The following ARAP2 variants were observed in gnomAD, a reference collection of about 807,000 sequenced individuals.
The protein encoded by ARAP2 is ArfGAP with RhoGAP domain, ankyrin repeat and PH domain 2.
Under a neutral mutation model 194.5 loss-of-function variants are expected in ARAP2, and 148 were observed. The observed-to-expected ratio is 0.76, with a 90% CI of 0.67 to 0.87. The LOEUF is 0.87. Among genes scored for constraint, ARAP2 ranks in the 40% least tolerant of loss-of-function variants. The pLI is 0.00. For synonymous variants in ARAP2, 695 were observed against 683.5 expected (o/e 1.02, Z -0.26); for missense variants, 2,128 against 1,989.7 (o/e 1.07, Z -1.32).
At chr4:36,016,261 T>C (rs910871885) in intron 6 of ARAP2, among the ~76,000 whole-genome samples, 3 of 152,168 alleles carry the variant, frequency 2.0e-5, no homozygotes, top group Non-Finnish European at 4.4e-5. Context: ...TATATTATTA[T>C]GGGTGTATAT....
At chr4:36,055,504 T>C (rs1234666306) in intron 2 of ARAP2, among the ~76,000 whole-genome samples, 2 of 152,194 alleles carry the variant, frequency 1.3e-5, no homozygotes, top group Non-Finnish European at 2.9e-5. Context: ...AGCAGTCTCA[T>C]AGTGTGGGAA....
rs534554489 is a variant in ARAP2 at position 36,181,851 on chromosome 4, T to C, written c.1679-3846A>G. On this transcript the variant is annotated intron_variant, in intron 8 of 32. Coordinates refer to ENST00000303965, the MANE Select transcript of ARAP2 (RefSeq NM_015230.4). ...ATACATTACACAGTGGCAAGTGCAA[T>C]TGGGTACCTTAAACACAAGATGGGG... Among the ~76,000 whole-genome samples the C allele has an allele frequency of 2.4e-3, 367 of 152,270 alleles. 1 individual carries two copies. The highest frequency in any genetic ancestry group is 3.4e-3 in the Middle Eastern group (1 of 294).
chr4:36,057,984 G>T (rs1220192737), exon 2 of ARAP2: 2 of 151,420 alleles, frequency 1.3e-5, no homozygotes, highest in African/African-American at 2.4e-5. Flanking sequence ...CCATCTTCTG[G>T]CAAAGAGGAG....
intron 6 of ARAP2, among the ~76,000 whole-genome samples, chr4:36,017,752 C>T (rs1223083408): frequency 1.3e-5 from 2 of 151,880 alleles, no homozygotes; most frequent in African/African-American, 2.4e-5. Flanking sequence ...ATACCAAAAC[C>T]TTGCGAGACA....
chr4:36,025,773 T>C (rs1717797100), intron 5 of ARAP2, among the ~76,000 whole-genome samples: 2 of 152,158 alleles, frequency 1.3e-5, no homozygotes, highest in African/African-American at 2.4e-5. Flanking sequence ...ATGGTTTTTG[T>C]ATACTCAGGA....
At chr4:36,112,474 T>A (rs1436413211) in intron 26 of ARAP2, among the ~76,000 whole-genome samples, 3 of 151,982 alleles carry the variant, frequency 2.0e-5, no homozygotes, top group Non-Finnish European at 2.9e-5. Context: ...CAATTTGTAA[T>A]GTGGAAAGAT....
At chr4:36,072,954 G>T (rs982350018) in intron 32 of ARAP2, among the ~76,000 whole-genome samples, 2 of 152,148 alleles carry the variant, frequency 1.3e-5, no homozygotes, top group African/African-American at 4.8e-5. Context: ...GAGAGCAAAA[G>T]ATTTGAACAG....
intron 19 of ARAP2, among the ~76,000 whole-genome samples, chr4:36,144,625 A>C (rs1729180783): frequency 6.6e-6 from 1 of 151,972 alleles, no homozygotes; most frequent in African/African-American, 2.4e-5. Flanking sequence ...CGCTGTATAA[A>C]GCTCTTGATG....
intron 6 of ARAP2, among the ~76,000 whole-genome samples, 198 bp downstream of exon 6, chr4:36,210,192 A>C (rs1056562451): frequency 2.0e-5 from 3 of 152,154 alleles, no homozygotes; most frequent in African/African-American, 7.2e-5. Flanking sequence ...TTAATGCAGC[A>C]TTGCATTGCA....
In ARAP2 at chr4:36,121,229, C is replaced by A; in HGVS notation, c.3844G>T (p.Glu1282Ter). The change falls in exon 23 of 33, where the codon GAA becomes TAA. Residue 1282 changes from glutamate (E) to a stop codon, truncating the protein, a stop_gained. Transcript: ENST00000303965. LOFTEE classifies it high-confidence loss of function. Reference sequence around the variant, plus strand: ...ATTAGGTCCTCAATTACATTCACTTCTTCACTAGTTTGTCCCTTCGTTTGA... The same window carrying A: ...ATTAGGTCCTCAATTACATTCACTTATTCACTAGTTTGTCCCTTCGTTTGA... ...LFQTKGQTSEEVNVIEDLINN... is the reference protein window; with the variant it reads ...LFQTKGQTSE 6.2e-7 allele frequency: 1 copy of A among 1,607,204 alleles called. No individual in the cohort carries two copies. The highest frequency in any genetic ancestry group is 8.5e-7 in the Non-Finnish European group (1 of 1,176,064).
chr4:36,054,908 G>A (rs187602440), intron 2 of ARAP2, among the ~76,000 whole-genome samples: 2 of 152,276 alleles, frequency 1.3e-5, no homozygotes, highest in Admixed American at 6.5e-5. Flanking sequence ...ATTTTATAAT[G>A]ATTGGTGATG....
At chr4:36,072,077 G>A (rs923040753) in intron 32 of ARAP2, among the ~76,000 whole-genome samples, 29 of 151,674 alleles carry the variant, frequency 1.9e-4, no homozygotes, top group African/African-American at 6.8e-4. Context: ...CTAATATTAT[G>A]GCAGATATTT....
At chr4:36,156,421 AAGAAAGAAAGAAAGAAAGAAAG>A (rs1732475873) in intron 15 of ARAP2, among the ~76,000 whole-genome samples, 1 of 5,546 alleles carries the variant, frequency 1.8e-4, no homozygotes, top group Non-Finnish European at 2.9e-4. Flanking sequence ...GAAAGAAAGA[AAGAAAGAAAGAAAGAAAGAAAG>A]AGAAAGAAAG....
rs79850227 is a variant in ARAP2, at chr4:36,176,868, T to C, written c.1857+959A>G. 2.2e-3 allele frequency among the ~76,000 whole-genome samples: 334 copies of C among 152,190 alleles called. 11 individuals carry two copies. The East Asian group carries it at 0.057, about 26-fold the overall frequency. On this transcript the variant is annotated intron_variant, in intron 9 of 32. Coordinates refer to ENST00000303965, the MANE Select transcript of ARAP2 (RefSeq NM_015230.4). ...ACTACTATTTGTTTTGATATTCCTA[T>C]TTTTCTTATAAAAAATAGTCAGCAT...
chr4:36,108,510 A>G (rs934304231), intron 26 of ARAP2, among the ~76,000 whole-genome samples: 1 of 152,006 alleles, frequency 6.6e-6, no homozygotes, highest in East Asian at 1.9e-4. Flanking sequence ...TAGTGGGAAT[A>G]TAAAAAACAT....
chr4:36,222,196 T>C (rs946747717), intron 2 of ARAP2, among the ~76,000 whole-genome samples: 1 of 152,074 alleles, frequency 6.6e-6, no homozygotes, highest in African/African-American at 2.4e-5. Context: ...GGGGGGAAAA[T>C]CCAGGGCCTG....
At chr4:36,036,822 CATT>C (rs1267056433) in intron 5 of ARAP2, among the ~76,000 whole-genome samples, 2 of 152,174 alleles carry the variant, frequency 1.3e-5, no homozygotes, top group African/African-American at 4.8e-5. Context: ...ATCCTTTCAT[CATT>C]GAGAAGCTCT....
At chr4:36,073,391 G>A (rs981439749) in intron 32 of ARAP2, among the ~76,000 whole-genome samples, 11 of 152,024 alleles carry the variant, frequency 7.2e-5, no homozygotes, top group Non-Finnish European at 1.2e-4. Flanking sequence ...CTTGTAAAAC[G>A]AATTTGAAGT....
In ARAP2 at chr4:36,091,032, T is replaced by C. The variant is rs75305278; in HGVS notation, c.4425+849A>G. Among the ~76,000 whole-genome samples the C allele has an allele frequency of 8.1e-3, 1,232 of 152,206 alleles. 16 individuals carry two copies. The highest frequency in any genetic ancestry group is 0.028 in the African/African-American group (1,164 of 41,558). ...TTTTTATCCTAATGCTTTTTAAAAA[T>C]TGCAGTGTATATATAATACACATAT... On this transcript the variant is annotated intron_variant, in intron 28 of 32. Coordinates refer to ENST00000303965, the MANE Select transcript of ARAP2 (RefSeq NM_015230.4).
Sources: allele counts gnomAD v4.1 joint callset (sites outside exome capture counted in the v4.1 genomes callset), GRCh38; gene constraint gnomAD v4.1.1; transcripts MANE v1.5; gene names NCBI Gene and HGNC (gene_info 2026-07-23, HGNC 2026-07-21).